Variants in ADGRL3 observed in about 807,000 individuals in gnomAD.
ADGRL3 encodes calcium-independent alpha-latrotoxin receptor 3.
Under a neutral mutation model 153.5 loss-of-function variants are expected in ADGRL3, and 62 were observed. That is an observed-to-expected ratio of 0.40 (90% CI 0.33 to 0.50). The LOEUF is 0.50. Ranked by LOEUF, ADGRL3 falls within the 20% of genes least tolerant of loss-of-function variation. ADGRL3 has a pLI of 0.47. For synonymous variants in ADGRL3, 710 were observed against 672.5 expected (o/e 1.06, Z -0.86); for missense variants, 1,641 against 1,859.4 (o/e 0.88, Z 2.16).
intron 24 of ADGRL3, among the ~76,000 whole-genome samples, chr4:62,043,679 T>C (rs1729588493): frequency 1.3e-5 from 2 of 152,060 alleles, no homozygotes; most frequent in African/African-American, 4.8e-5. Context: ...CTCACAAGAT[T>C]GTTAATACTT....
At chr4:61,778,878 C>T (rs538309443) in intron 8 of ADGRL3, among the ~76,000 whole-genome samples, 2 of 151,592 alleles carry the variant, frequency 1.3e-5, no homozygotes, top group Admixed American at 1.3e-4. Context: ...GCCAACATGG[C>T]GAAACGCCAT....
At chr4:61,312,352 A>G (rs1357823771) in intron 1 of ADGRL3, among the ~76,000 whole-genome samples, 1 of 152,202 alleles carries the variant, frequency 6.6e-6, no homozygotes, top group African/African-American at 2.4e-5. Flanking sequence ...AATCTAGGTG[A>G]CCTTGAGTTT....
chr4:61,505,787 A>G (rs1353181466), intron 3 of ADGRL3, among the ~76,000 whole-genome samples: 3 of 151,438 alleles, frequency 2.0e-5, no homozygotes, highest in Non-Finnish European at 4.4e-5. Flanking sequence ...CACATATTAT[A>G]TATTAGTGTC....
intron 5 of ADGRL3, among the ~76,000 whole-genome samples, chr4:61,599,675 G>C (rs536209104): frequency 2.0e-5 from 3 of 152,098 alleles, no homozygotes; most frequent in Non-Finnish European, 4.4e-5. Flanking sequence ...GAAAGCTGGA[G>C]GGACAGATAG....
chr4:61,432,954 C>T (rs189256176), intron 2 of ADGRL3, among the ~76,000 whole-genome samples: 3 of 151,896 alleles, frequency 2.0e-5, no homozygotes, highest in Non-Finnish European at 4.4e-5. Context: ...CGCCAGGCCA[C>T]TTTTATAGAT....
intron 2 of ADGRL3, among the ~76,000 whole-genome samples, chr4:61,486,572 G>A (rs2098196826): frequency 6.6e-6 from 1 of 152,120 alleles, no homozygotes; most frequent in African/African-American, 2.4e-5. Flanking sequence ...CTTTGAGTTA[G>A]AATTAGTATG....
intron 1 of ADGRL3, among the ~76,000 whole-genome samples, chr4:61,362,763 T>C (rs1330104744): frequency 6.6e-6 from 1 of 152,128 alleles, no homozygotes; most frequent in Admixed American, 6.5e-5. Flanking sequence ...TCCCAGTTAT[T>C]ATAAATGGAC....
At chr4:61,981,686 ATG>A (rs2099069007) in intron 18 of ADGRL3, among the ~76,000 whole-genome samples, 2 of 105,572 alleles carry the variant, frequency 1.9e-5, no homozygotes, top group African/African-American at 2.8e-5. Context: ...ATTTATGCAC[ATG>A]TTACAAGTTT....
rs1268120527 is a variant in ADGRL3 at position 61,219,981 on chromosome 4, G to T, written c.-240+18216G>T. On this transcript the variant is annotated intron_variant, in intron 1 of 26. Transcript: ENST00000683033. ...AAATTAGGCGGGCGTGGTGGCGGGC[G>T]CCTGTAACCACAGCCACTCGGGAGG... 2.6e-5 allele frequency among the ~76,000 whole-genome samples: 4 copies of T among 151,924 alleles called. No homozygotes were observed. The East Asian group carries it at 7.8e-4, about 29-fold the overall frequency.
At chr4:61,248,918 T>A (rs904670583) in intron 1 of ADGRL3, among the ~76,000 whole-genome samples, 1 of 152,150 alleles carries the variant, frequency 6.6e-6, no homozygotes, top group African/African-American at 2.4e-5. Flanking sequence ...TAGGTCGAAT[T>A]TCTTGGATGG....
At chr4:61,280,872 C>G (rs1041032740) in intron 1 of ADGRL3, among the ~76,000 whole-genome samples, 2 of 152,064 alleles carry the variant, frequency 1.3e-5, no homozygotes, top group Non-Finnish European at 2.9e-5. Context: ...AAAATTTACA[C>G]TCACTGAACT....
chr4:62,045,905 T>C (rs1200688768), intron 25 of ADGRL3, among the ~76,000 whole-genome samples: 2 of 151,980 alleles, frequency 1.3e-5, no homozygotes, highest in African/African-American at 4.8e-5. Flanking sequence ...ATTTAGACAA[T>C]ATCTCTCAAG....
chr4:61,645,424 C>T (rs560270542), intron 5 of ADGRL3, among the ~76,000 whole-genome samples: 17 of 150,568 alleles, frequency 1.1e-4, no homozygotes, highest in Non-Finnish European at 1.9e-4. Flanking sequence ...CGGCTGGTAC[C>T]GGTTGTTCCT....
chr4:62,055,883 CTCT>C (rs1378560123), intron 25 of ADGRL3, among the ~76,000 whole-genome samples: 1 of 151,368 alleles, frequency 6.6e-6, no homozygotes, highest in Non-Finnish European at 1.5e-5. Flanking sequence ...TTCTAGAAGC[CTCT>C]TCTTTTGTCT....
chr4:61,870,061 C>T (rs541014053), intron 9 of ADGRL3, among the ~76,000 whole-genome samples: 150 of 143,824 alleles, frequency 1.0e-3, no homozygotes, highest in Middle Eastern at 4.0e-3. Flanking sequence ...AAGGAAAAAA[C>T]GTAATTCCTA....
chr4:61,948,061 A>C (rs2098932825), intron 16 of ADGRL3, 39 bp from the exon 17 acceptor site: 1 of 1,538,120 alleles, frequency 6.5e-7, no homozygotes, highest in Admixed American at 1.8e-5. Flanking sequence ...CATGATCATA[A>C]AGTAGTTGTT....
chr4:61,690,694 G>A (rs190023626), intron 6 of ADGRL3, among the ~76,000 whole-genome samples: 8 of 151,960 alleles, frequency 5.3e-5, no homozygotes, highest in Non-Finnish European at 1.0e-4. Flanking sequence ...TTTCTACAAG[G>A]CTTCCTTTTT....
At chr4:61,324,367 C>A (rs1318506672) in intron 1 of ADGRL3, among the ~76,000 whole-genome samples, 1 of 151,676 alleles carries the variant, frequency 6.6e-6, no homozygotes, top group Non-Finnish European at 1.5e-5. Flanking sequence ...TAATGCATTA[C>A]CAAAAAGATT....
In ADGRL3 at chr4:61,757,185, A is replaced by T. The variant is rs575930289; in HGVS notation, c.1399+23631A>T. ...TTTTTGTATTGATTGGAATAGTTTC[A>T]GAAGGCATGGTACCAGCTCCTCCTT... On this transcript the variant is annotated intron_variant, in intron 8 of 26. Coordinates refer to ENST00000683033, the MANE Select transcript of ADGRL3 (RefSeq NM_001387552.1). Among the ~76,000 whole-genome samples the T allele has an allele frequency of 2.3e-4, 35 of 152,314 alleles. No homozygotes were observed. The South Asian group carries it at 7.3e-3, about 32-fold the overall frequency.
Sources: gnomAD v4.1 joint callset for allele counts (sites outside exome capture counted in the v4.1 genomes callset) on GRCh38, gnomAD v4.1.1 for gene constraint, MANE v1.5 for transcripts, NCBI Gene and HGNC (gene_info 2026-07-23, HGNC 2026-07-21) for gene names.